SLF1: variants seen among roughly 807,000 people sequenced by gnomAD.
SLF1 encodes the protein SMC5-SMC6 complex localization factor protein 1.
In SLF1, 105 loss-of-function variants were observed where a neutral mutation model predicts 123.0. The observed-to-expected ratio is 0.85, with a 90% confidence interval of 0.73 to 1.00. The LOEUF (loss-of-function observed/expected upper bound fraction) is 1.00. SLF1 is among the 50% of genes least tolerant of loss of function. The pLI is 0.00. For missense variants in SLF1, 1,239 were observed against 1,223.0 expected, an observed-to-expected ratio of 1.01 and a Z score of -0.20; for synonymous variants, 434 against 406.6, an observed-to-expected ratio of 1.07 and a Z score of -0.81.
intron 5 of SLF1, among the ~76,000 whole-genome samples, chr5:94,643,978 C>T (rs747697818): frequency 1.3e-5 from 2 of 152,086 alleles, no homozygotes; most frequent in Non-Finnish European, 2.9e-5. Flanking sequence ...CATTGTTTCC[C>T]ATCTCGTAGA....
At chr5:94,644,477 T>A (rs1259517358) in intron 5 of SLF1, among the ~76,000 whole-genome samples, 1 of 152,210 alleles carries the variant, frequency 6.6e-6, no homozygotes, top group African/African-American at 2.4e-5. Context: ...TTTCTGTCTT[T>A]TCAATTGTAT....
chr5:94,661,597 C>G (rs1749122541), intron 9 of SLF1, among the ~76,000 whole-genome samples: 2 of 151,080 alleles, frequency 1.3e-5, no homozygotes. Context: ...TGCAGTGGTG[C>G]AATCTCAGCT....
intron 1 of SLF1, among the ~76,000 whole-genome samples, chr5:94,626,030 G>C (rs1792208568): frequency 6.6e-6 from 1 of 151,954 alleles, no homozygotes; most frequent in Non-Finnish European, 1.5e-5. Flanking sequence ...GAGGCAGGCA[G>C]ATCACAAGGT....
chr5:94,641,950 C>G (rs189617862), intron 4 of SLF1, among the ~76,000 whole-genome samples: 53 of 152,318 alleles, frequency 3.5e-4, no homozygotes, highest in Middle Eastern at 3.4e-3. Context: ...AGTGACATTC[C>G]TGCTGCTCCT....
At chr5:94,658,220 T>C (rs1213777277) in intron 9 of SLF1, among the ~76,000 whole-genome samples, 1 of 151,864 alleles carries the variant, frequency 6.6e-6, no homozygotes, top group Admixed American at 6.6e-5. Context: ...ATTTTTGCTT[T>C]ACAGTGAGTT....
chr5:94,688,811 C>G (rs1752740974), intron 17 of SLF1, 142 bp downstream of exon 17: 2 of 895,072 alleles, frequency 2.2e-6, no homozygotes, highest in South Asian at 6.1e-5. Context: ...TCTATTTGAT[C>G]AACATTTTCT....
chr5:94,667,312 T>G (rs1025716171), intron 12 of SLF1, among the ~76,000 whole-genome samples: 1 of 152,226 alleles, frequency 6.6e-6, no homozygotes, highest in South Asian at 2.1e-4. Flanking sequence ...CATAGGTATA[T>G]GATGTGAGAA....
intron 12 of SLF1, among the ~76,000 whole-genome samples, chr5:94,668,843 T>A (rs1296452133): frequency 6.6e-6 from 1 of 152,206 alleles, no homozygotes; most frequent in African/African-American, 2.4e-5. Context: ...CCTTTAAGTT[T>A]GTCATTCACA....
chr5:94,685,632 G>T (rs1013100650), intron 15 of SLF1, among the ~76,000 whole-genome samples: 3 of 152,038 alleles, frequency 2.0e-5, no homozygotes, highest in Admixed American at 6.5e-5. Flanking sequence ...TTGAGGTTTT[G>T]TAGAAGATAT....
chr5:94,638,028 G>T (rs1031865265), intron 4 of SLF1, among the ~76,000 whole-genome samples: 1 of 152,100 alleles, frequency 6.6e-6, no homozygotes, highest in Non-Finnish European at 1.5e-5. Context: ...CCGCCAGGTA[G>T]AACATCCCAC....
rs768489284 is a variant in SLF1 at position 94,692,118 on chromosome 5, AAC to A, written c.2561_2562del (p.Thr854SerfsTer27). ...TPLHEACNYG[N>X]TVCVQEILQR... The stretch of plus-strand genomic sequence containing the variant: ...TTTGCATGAAGCCTGTAACTATGGC[AAC>A]ACAGTGTGTGTCCAGGAAATTTTGC... On this transcript the variant is annotated frameshift_variant, in exon 20 of 21. Coordinates refer to ENST00000265140, the MANE Select transcript of SLF1 (RefSeq NM_032290.4). LOFTEE classifies it high-confidence loss of function. The A allele has an allele frequency of 2.5e-6, 4 of 1,613,714 alleles. No individual in the cohort carries two copies. Among genetic ancestry groups the A allele is most frequent in the Non-Finnish European group, 2.5e-6 (3 of 1,179,826 alleles).
intron 9 of SLF1, among the ~76,000 whole-genome samples, chr5:94,657,403 A>T (rs1474020179): frequency 2.6e-5 from 4 of 152,038 alleles, no homozygotes; most frequent in African/African-American, 9.7e-5. Context: ...TGTCTGAGAA[A>T]GATATTTGAT....
At chr5:94,682,625 T>C (rs1751934798) in intron 15 of SLF1, among the ~76,000 whole-genome samples, 2 of 152,232 alleles carry the variant, frequency 1.3e-5, no homozygotes, top group South Asian at 2.1e-4. Context: ...ATAATTGTTT[T>C]GTCAAGAATT....
chr5:94,626,387 T>C (rs915786913), intron 1 of SLF1, among the ~76,000 whole-genome samples: 3 of 152,190 alleles, frequency 2.0e-5, no homozygotes, highest in African/African-American at 7.2e-5. Context: ...CCCTATTATG[T>C]GCACTTAAAA....
intron 1 of SLF1, among the ~76,000 whole-genome samples, chr5:94,628,555 A>G (rs1198051417): frequency 1.3e-5 from 2 of 152,260 alleles, no homozygotes; most frequent in African/African-American, 4.8e-5. Context: ...CAAGTAATGT[A>G]TTAATCCAGA....
Position 94,663,853 on chromosome 5 carries a change from C to T in SLF1, c.1313C>T (p.Ala438Val), listed in dbSNP as rs762000673. The T allele has an allele frequency of 6.4e-7, 1 of 1,550,890 alleles. No individual in the cohort carries two copies. Among genetic ancestry groups the T allele is most frequent in the Non-Finnish European group, 8.7e-7 (1 of 1,146,724 alleles). Reference sequence around the variant, plus strand: ...ATTGAGGAACTTTCCACTTTGCAGGCACATTATATCCCTCCTGTATGCGTT... The same window carrying T: ...ATTGAGGAACTTTCCACTTTGCAGGTACATTATATCCCTCCTGTATGCGTT... ...EAIEELSTLQAHYIPPVCVLH... is the reference protein window; with the variant it reads ...EAIEELSTLQVHYIPPVCVLH... Residue 438 changes from alanine (A) to valine (V), a missense_variant, in exon 11 of 21, where the codon GCA becomes GTA. Coordinates refer to ENST00000265140, the MANE Select transcript of SLF1 (RefSeq NM_032290.4).
intron 1 of SLF1, among the ~76,000 whole-genome samples, chr5:94,626,886 GATGAA>G (rs1792297258): frequency 6.6e-6 from 1 of 152,156 alleles, no homozygotes; most frequent in Admixed American, 6.5e-5. Context: ...AATGGGGAGT[GATGAA>G]GGGTAGAGAA....
intron 4 of SLF1, among the ~76,000 whole-genome samples, chr5:94,632,967 G>C (rs1745366231): frequency 1.3e-5 from 2 of 151,826 alleles, no homozygotes; most frequent in South Asian, 4.2e-4. Context: ...GGAATTACAG[G>C]CTTGAGCCAC....
At chr5:94,664,220 T>A (rs1749481856) in intron 11 of SLF1, among the ~76,000 whole-genome samples, 1 of 152,250 alleles carries the variant, frequency 6.6e-6, no homozygotes, top group Non-Finnish European at 1.5e-5. Flanking sequence ...GATCTAGAAT[T>A]ACATTTGGTA....
Sources: gnomAD v4.1 joint callset for allele counts (sites outside exome capture counted in the v4.1 genomes callset) on GRCh38, gnomAD v4.1.1 for gene constraint, MANE v1.5 for transcripts, NCBI Gene and HGNC (gene_info 2026-07-23, HGNC 2026-07-21) for gene names.